Variants in FLNB observed in about 807,000 individuals in gnomAD.
FLNB encodes the protein filamin B, also known as filamin-B.
FLNB carries 111 observed loss-of-function variants against 250.6 expected under a neutral mutation model. The ratio of observed to expected loss-of-function variants is 0.44; its 90% CI spans 0.38 to 0.52. The LOEUF is 0.52. Among genes scored for constraint, FLNB ranks in the 20% least tolerant of loss-of-function variants. FLNB has a pLI of 0.00. For missense variants in FLNB, 2,869 were observed against 3,447.8 expected (o/e 0.83, Z 4.20); for synonymous variants, 1,302 against 1,372.1 (o/e 0.95, Z 1.13).
Position 58,098,852 on chromosome 3 carries a change from T to A in FLNB, c.1289T>A (p.Ile430Asn). ...PMQPGPHVVKIFFAGDTIPKS... is the reference protein window; with the variant it reads ...PMQPGPHVVKNFFAGDTIPKS... ...CAGCCTGGCCCTCACGTGGTCAAGA[T>A]CTTCTTTGCTGGGGACACTATTCCT... Residue 430 changes from isoleucine (I) to asparagine (N), a missense_variant, in exon 8 of 46, where the codon ATC becomes AAC. Ile to Asn is a moderately radical substitution (Grantham distance 149). This residue lies in a region of FLNB where 1,348 missense variants were observed against 1,466.7 expected (regional missense o/e 0.92). Transcript: ENST00000295956. 1 of 1,614,046 alleles carries A rather than the reference T, an allele frequency of 6.2e-7. No homozygotes were observed. The highest frequency in any genetic ancestry group is 8.5e-7 in the Non-Finnish European group (1 of 1,180,008).
chr3:58,050,013 G>GA (rs564114956), intron 1 of FLNB, among the ~76,000 whole-genome samples: 53 of 146,558 alleles, frequency 3.6e-4, no homozygotes, highest in African/African-American at 1.3e-3. Flanking sequence ...GGAAGAAATA[G>GA]AAAATGCCTT....
At chr3:58,148,043 T>C (rs2097338456) in intron 34 of FLNB, among the ~76,000 whole-genome samples, 163 bp from the exon 35 acceptor site, 1 of 152,096 alleles carries the variant, frequency 6.6e-6, no homozygotes, top group Admixed American at 6.5e-5. Flanking sequence ...CCATCATTCT[T>C]CATTGGTTGG....
Position 58,097,096 on chromosome 3 carries a change from G to A in FLNB, c.985-719G>A, listed in dbSNP as rs535572393. ...GGAGTACACTTTTCATTGGAAGAAA[G>A]CCCTCAACAGCACATAAAGGCCAAT... On this transcript the variant is annotated intron_variant, in intron 6 of 45. Coordinates refer to ENST00000295956, the MANE Select transcript of FLNB (RefSeq NM_001457.4). Among the ~76,000 whole-genome samples, 10 of 152,294 alleles carry A rather than the reference G, an allele frequency of 6.6e-5. No individual in the cohort carries two copies. The East Asian group carries it at 1.9e-3, about 29-fold the overall frequency.
intron 18 of FLNB, among the ~76,000 whole-genome samples, chr3:58,117,201 AAC>A (rs2097279829): frequency 1.3e-5 from 2 of 152,306 alleles, no homozygotes; most frequent in South Asian, 4.1e-4. Context: ...TTGGGGAATA[AAC>A]ACAGTCCATT....
chr3:58,116,343 A>C (rs1291154309), intron 18 of FLNB, among the ~76,000 whole-genome samples: 1 of 152,184 alleles, frequency 6.6e-6, no homozygotes, highest in East Asian at 1.9e-4. Flanking sequence ...AACAGGCTGG[A>C]AATCCCCAGA....
intron 1 of FLNB, among the ~76,000 whole-genome samples, chr3:58,063,372 G>A (rs961250253): frequency 6.6e-6 from 1 of 152,188 alleles, no homozygotes; most frequent in Non-Finnish European, 1.5e-5. Context: ...AGTTTGCAGA[G>A]AGCTCTGTTG....
At chr3:58,051,292 A>G (rs115773481) in intron 1 of FLNB, among the ~76,000 whole-genome samples, 276 of 152,342 alleles carry the variant, frequency 1.8e-3, no homozygotes, top group African/African-American at 6.4e-3. Flanking sequence ...TCACCATTGC[A>G]GCATATTTAT....
intron 1 of FLNB, among the ~76,000 whole-genome samples, chr3:58,012,194 A>G (rs2097099821): frequency 8.0e-6 from 1 of 124,780 alleles, no homozygotes; most frequent in African/African-American, 3.3e-5. Context: ...AGCCTGGGAG[A>G]GCGAGACTCT....
At position 58,077,231 on chromosome 3, in the gene FLNB, A is replaced by G; in HGVS notation, c.478A>G (p.Asn160Asp). The G allele has an allele frequency of 6.2e-7, 1 of 1,614,194 alleles. No individual in the cohort carries two copies. Among genetic ancestry groups the G allele is most frequent in the East Asian group, 2.2e-5 (1 of 44,888 alleles). ...CAAGATCCCCTACTTGCCCATCACC[A>G]ACTTTAACCAGAACTGGCAAGACGG... ...QNKIPYLPIT[N>D]FNQNWQDGKA... Residue 160 changes from asparagine (N) to aspartate (D), a missense_variant, in exon 2 of 46, where the codon AAC becomes GAC. Transcript: ENST00000295956.
intron 13 of FLNB, among the ~76,000 whole-genome samples, chr3:58,108,855 TG>T (rs1190933722): frequency 1.3e-5 from 2 of 152,152 alleles, no homozygotes; most frequent in Non-Finnish European, 2.9e-5. Flanking sequence ...GCTGAGGCCA[TG>T]GGGGGAGATT....
At position 58,124,434 on chromosome 3, in the gene FLNB, C is replaced by A; in HGVS notation, c.3827C>A (p.Ala1276Asp). The change falls in exon 22 of 46, where the codon GCC (alanine) becomes GAC (aspartate). Residue 1276 changes from alanine to aspartate, a missense_variant. Physicochemically the swap from Ala to Asp is moderately radical, Grantham distance 126. Transcript: ENST00000295956. The stretch of plus-strand genomic sequence containing the variant: ...GCCCACATTGCCAACCCCTCAGGGG[C>A]CTCCACCGAGTGCTTTGTCACAGAC... ...IKAHIANPSG[A>D]STECFVTDNA... 6.2e-7 allele frequency: 1 copy of A among 1,614,208 alleles called. No individual in the cohort carries two copies. The highest frequency in any genetic ancestry group is 8.5e-7 in the Non-Finnish European group (1 of 1,180,024).
chr3:58,130,932 G>A, intron 25 of FLNB, 24 bp downstream of exon 25: 1 of 1,602,744 alleles, frequency 6.2e-7, no homozygotes, highest in South Asian at 1.1e-5. Context: ...CTGCCTTCCT[G>A]CAGACATTCA....
At chr3:58,154,544 C>CAA (rs71625606) in intron 39 of FLNB, 1,025 of 301,278 alleles carry the variant, frequency 3.4e-3, no homozygotes, top group East Asian at 5.2e-3. Flanking sequence ...GACTCCGTCT[C>CAA]AAAAAAAAAA....
At chr3:58,043,345 G>A (rs1477703587) in intron 1 of FLNB, among the ~76,000 whole-genome samples, 6 of 151,808 alleles carry the variant, frequency 4.0e-5, no homozygotes, top group Admixed American at 1.3e-4. Context: ...ATGTTGACCA[G>A]GCTGGTAATT....
chr3:58,089,420 C>T (rs1350026596), intron 4 of FLNB, among the ~76,000 whole-genome samples: 1 of 151,702 alleles, frequency 6.6e-6, no homozygotes, highest in East Asian at 1.9e-4. Context: ...GTGGTGGGCA[C>T]CTGTAATCCC....
chr3:58,032,801 C>T (rs995093366), intron 1 of FLNB, among the ~76,000 whole-genome samples: 1 of 152,122 alleles, frequency 6.6e-6, no homozygotes, highest in African/African-American at 2.4e-5. Context: ...GGTGTGGTAG[C>T]TCATGCCTGT....
intron 1 of FLNB, among the ~76,000 whole-genome samples, chr3:58,039,964 G>A (rs745632313): frequency 5.3e-5 from 8 of 152,140 alleles, no homozygotes; most frequent in Non-Finnish European, 7.3e-5. Context: ...GGCCAACATG[G>A]TGAAACTCTG....
At chr3:58,099,059 T>C (rs1170664548) in intron 8 of FLNB, 151 bp downstream of exon 8, 1 of 712,660 alleles carries the variant, frequency 1.4e-6, no homozygotes, top group East Asian at 2.7e-5. Context: ...GTGGCTTACT[T>C]TGTCCTCAAT....
intron 4 of FLNB, among the ~76,000 whole-genome samples, chr3:58,082,639 CGG>C (rs1484354268): frequency 6.6e-6 from 1 of 151,832 alleles, no homozygotes; most frequent in Non-Finnish European, 1.5e-5. Flanking sequence ...GGCATGGTGG[CGG>C]GTGCCTGTAA....
Sources: allele counts gnomAD v4.1 joint callset (sites outside exome capture counted in the v4.1 genomes callset), GRCh38; gene constraint gnomAD v4.1.1; regional missense constraint gnomAD v4.1.1; transcripts MANE v1.5; gene names NCBI Gene and HGNC (gene_info 2026-07-23, HGNC 2026-07-21).